Variants in TAFA2 observed in about 807,000 individuals in gnomAD.
The protein encoded by TAFA2 is TAFA chemokine like family member 2.
Under a neutral mutation model 18.8 loss-of-function variants are expected in TAFA2, and 7 were observed. The observed-to-expected ratio is 0.37, with a 90% CI of 0.21 to 0.70. The LOEUF (loss-of-function observed/expected upper bound fraction) is 0.70, where lower values mean the gene tolerates loss of function less well. TAFA2 is among the 30% of genes least tolerant of loss of function. The pLI, the probability that TAFA2 is intolerant of heterozygous loss-of-function variation, is 0.53. For missense variants in TAFA2, 122 were observed against 158.1 expected (o/e 0.77, Z 1.23); for synonymous variants, 60 against 54.2 (o/e 1.11, Z -0.47).
At chr12:61,812,964 T>TC (rs1871935950) in intron 2 of TAFA2, among the ~76,000 whole-genome samples, 4 of 151,542 alleles carry the variant, frequency 2.6e-5, no homozygotes, top group Admixed American at 2.6e-4. Flanking sequence ...ATTATCTCCT[T>TC]CCCTAATTTT....
intron 1 of TAFA2, among the ~76,000 whole-genome samples, chr12:61,898,500 C>A (rs1875953543): frequency 6.6e-6 from 1 of 152,222 alleles, no homozygotes; most frequent in African/African-American, 2.4e-5. Context: ...AAACTCAATT[C>A]TTGACTTCTG....
chr12:62,006,203 G>A (rs573728753), intron 1 of TAFA2, among the ~76,000 whole-genome samples: 1 of 152,142 alleles, frequency 6.6e-6, no homozygotes, highest in Non-Finnish European at 1.5e-5. Flanking sequence ...CCAAGCACAT[G>A]AGATTTGAAA....
intron 2 of TAFA2, among the ~76,000 whole-genome samples, chr12:61,862,812 T>C (rs1874182392): frequency 6.6e-6 from 1 of 152,220 alleles, no homozygotes; most frequent in Admixed American, 6.5e-5. Context: ...CCCAAAGGGC[T>C]ATTTAAAAAT....
chr12:61,807,888 C>G (rs1014015621), intron 2 of TAFA2, among the ~76,000 whole-genome samples: 1 of 151,504 alleles, frequency 6.6e-6, no homozygotes, highest in African/African-American at 2.5e-5. Flanking sequence ...CCCATTGTAT[C>G]TAGGAAGTAA....
At chr12:61,806,853 G>A (rs1871634816) in intron 2 of TAFA2, among the ~76,000 whole-genome samples, 1 of 152,156 alleles carries the variant, frequency 6.6e-6, no homozygotes, top group African/African-American at 2.4e-5. Flanking sequence ...AGATGATTTA[G>A]GGTAACTGGT....
intron 2 of TAFA2, among the ~76,000 whole-genome samples, chr12:61,842,055 G>A (rs908009319): frequency 3.3e-4 from 50 of 151,846 alleles, no homozygotes; most frequent in Non-Finnish European, 4.6e-4. Context: ...AGAAAAATAC[G>A]AGGGGATTCT....
chr12:61,995,919 A>C (rs563525712), intron 1 of TAFA2, among the ~76,000 whole-genome samples: 49 of 152,248 alleles, frequency 3.2e-4, no homozygotes, highest in Non-Finnish European at 6.0e-4. Flanking sequence ...AAATCATTCA[A>C]TTGTACATTT....
chr12:62,098,479 A>C (rs1267415873), intron 1 of TAFA2, among the ~76,000 whole-genome samples: 2 of 151,964 alleles, frequency 1.3e-5, no homozygotes, highest in East Asian at 3.9e-4. Flanking sequence ...AATAGGACAA[A>C]AGTATCAAAA....
intron 2 of TAFA2, among the ~76,000 whole-genome samples, chr12:61,833,763 G>C (rs190163598): frequency 6.6e-6 from 1 of 151,952 alleles, no homozygotes; most frequent in African/African-American, 2.4e-5. Flanking sequence ...AGATAAACAA[G>C]GGTGATTCCC....
intron 1 of TAFA2, among the ~76,000 whole-genome samples, chr12:61,911,635 T>A (rs1280702027): frequency 6.6e-6 from 1 of 152,090 alleles, no homozygotes; most frequent in Non-Finnish European, 1.5e-5. Context: ...TCTGTCCTAG[T>A]TTGTTGTCTG....
chr12:61,725,574 G>A (rs556320029), intron 4 of TAFA2, among the ~76,000 whole-genome samples: 1 of 151,962 alleles, frequency 6.6e-6, no homozygotes, highest in Admixed American at 6.6e-5. Context: ...TGTTTGCTTT[G>A]TCAAAGATCA....
intron 1 of TAFA2, among the ~76,000 whole-genome samples, chr12:62,041,236 G>A (rs137992757): frequency 3.1e-4 from 47 of 151,966 alleles, no homozygotes; most frequent in Non-Finnish European, 5.9e-4. Context: ...ACCTTTCATC[G>A]GTCAGAAAAC....
At chr12:62,094,350 C>A (rs370828125) in intron 1 of TAFA2, among the ~76,000 whole-genome samples, 15 of 151,898 alleles carry the variant, frequency 9.9e-5, no homozygotes, top group African/African-American at 3.6e-4. Flanking sequence ...TGGGAAGAGG[C>A]GGTGAAGGAC....
intron 1 of TAFA2, among the ~76,000 whole-genome samples, chr12:61,936,307 C>T (rs1209549294): frequency 6.6e-6 from 1 of 152,146 alleles, no homozygotes; most frequent in East Asian, 1.9e-4. Context: ...TTGCTAATGC[C>T]TGTAATCCCA....
At chr12:61,725,141 T>A (rs1443281596) in intron 4 of TAFA2, among the ~76,000 whole-genome samples, 2 of 152,148 alleles carry the variant, frequency 1.3e-5, no homozygotes, top group Non-Finnish European at 2.9e-5. Context: ...TGGGATTATT[T>A]GTTTCTTGAT....
At chr12:61,787,694 C>A (rs2120914212) in intron 2 of TAFA2, among the ~76,000 whole-genome samples, 1 of 151,414 alleles carries the variant, frequency 6.6e-6, no homozygotes, top group Non-Finnish European at 1.5e-5. Context: ...ATAGACATAC[C>A]AACAGACACA....
chr12:61,720,280 A>G (rs2120590886), intron 4 of TAFA2, among the ~76,000 whole-genome samples: 1 of 152,316 alleles, frequency 6.6e-6, no homozygotes, highest in East Asian at 1.9e-4. Flanking sequence ...GATTAAGTGA[A>G]AGTCTGATGG....
intron 1 of TAFA2, among the ~76,000 whole-genome samples, chr12:62,119,871 T>C (rs577168705): frequency 6.6e-6 from 1 of 152,040 alleles, no homozygotes; most frequent in South Asian, 2.1e-4. Flanking sequence ...GTCAGGAGTT[T>C]GAGACCAGCC....
intron 4 of TAFA2, among the ~76,000 whole-genome samples, chr12:61,722,929 G>A (rs1869973292): frequency 6.6e-6 from 1 of 152,018 alleles, no homozygotes; most frequent in South Asian, 2.1e-4. Flanking sequence ...ATTACAGGAA[G>A]AAACATAAAC....
Sources: gnomAD v4.1 joint callset for allele counts (sites outside exome capture counted in the v4.1 genomes callset) on GRCh38, gnomAD v4.1.1 for gene constraint, MANE v1.5 for transcripts, NCBI Gene and HGNC (gene_info 2026-07-23, HGNC 2026-07-21) for gene names.